Variants in CDON observed in about 807,000 individuals in gnomAD.
The protein encoded by CDON is cell adhesion molecule-related/down-regulated by oncogenes.
Under a neutral mutation model 120.9 loss-of-function variants are expected in CDON, and 73 were observed. The ratio of observed to expected loss-of-function variants is 0.60; its 90% confidence interval spans 0.50 to 0.73. The LOEUF (loss-of-function observed/expected upper bound fraction) is 0.73. Among genes scored for constraint, CDON ranks in the 30% least tolerant of loss-of-function variants. CDON has a pLI of 0.00. For synonymous variants in CDON, 566 were observed against 573.5 expected (o/e 0.99, Z 0.19); for missense variants, 1,470 against 1,587.3 (o/e 0.93, Z 1.26).
chr11:125,974,225 C>A (rs1349377200), intron 18 of CDON, among the ~76,000 whole-genome samples: 3 of 151,914 alleles, frequency 2.0e-5, no homozygotes, highest in Non-Finnish European at 4.4e-5. Flanking sequence ...AAAGATATGT[C>A]TCCCCTATTA....
intron 1 of CDON, among the ~76,000 whole-genome samples, chr11:126,041,268 A>G (rs573965377): frequency 9.7e-4 from 147 of 152,272 alleles, no homozygotes; most frequent in African/African-American, 3.3e-3. Flanking sequence ...AAAGACCACA[A>G]ACAACACCAA....
Position 125,994,276 on chromosome 11 carries a change from G to A in CDON, c.2650+8C>T. 1 of 1,468,982 alleles carries A rather than the reference G, an allele frequency of 6.8e-7. No homozygotes were observed. The highest frequency in any genetic ancestry group is 9.5e-7 in the Non-Finnish European group (1 of 1,048,498). 91.0% of individuals were successfully genotyped at this position (1,468,982 alleles called of 1,614,324 possible). ...TTTACAGGGACTCCAGTGTGCCAGG[G>A]GACTTACCTTCTACAACATCCCTCT... is the stretch of plus-strand genomic sequence containing the variant. On this transcript the variant is annotated splice_region_variant and intron_variant, in intron 14 of 19. Coordinates refer to ENST00000531738, the MANE Select transcript of CDON (RefSeq NM_001378964.1).
intron 14 of CDON, among the ~76,000 whole-genome samples, chr11:125,990,133 T>C (rs1394236992): frequency 2.6e-5 from 4 of 151,950 alleles, no homozygotes; most frequent in African/African-American, 9.7e-5. Context: ...CAATCCATGT[T>C]CCCCCACCAA....
Position 126,015,234 on chromosome 11 carries a change from A to G in CDON, c.1198+7T>C. On this transcript the variant is annotated splice_region_variant and intron_variant, in intron 7 of 19. Transcript: ENST00000531738. Reference sequence around the variant, plus strand: ...GTTCTTATGACTGGCACGACCTAAAAGCCTACCATTTTCAATTTCAAGTCT... The same window carrying G: ...GTTCTTATGACTGGCACGACCTAAAGGCCTACCATTTTCAATTTCAAGTCT... 6.2e-7 allele frequency: 1 copy of G among 1,613,750 alleles called. No homozygotes were observed. Among genetic ancestry groups the G allele is most frequent in the Non-Finnish European group, 8.5e-7 (1 of 1,179,648 alleles).
intron 4 of CDON, among the ~76,000 whole-genome samples, chr11:126,018,860 G>A (rs745489821): frequency 1.3e-5 from 2 of 152,142 alleles, no homozygotes; most frequent in East Asian, 1.9e-4. Flanking sequence ...GTGAGCCACC[G>A]GCCAGCCTGC....
At chr11:125,967,214 A>G (rs1028486338) in intron 18 of CDON, among the ~76,000 whole-genome samples, 1 of 152,254 alleles carries the variant, frequency 6.6e-6, no homozygotes, top group Admixed American at 6.5e-5. Context: ...AAAATGTTCT[A>G]AAGTATTTGT....
In CDON at chr11:125,994,954, G is replaced by A; in HGVS notation, c.2461C>T (p.Arg821Cys). 2.5e-6 allele frequency: 4 copies of A among 1,614,064 alleles called. No individual in the cohort carries two copies. The highest frequency in any genetic ancestry group is 2.2e-5 in the East Asian group (1 of 44,872). Residue 821 changes from arginine (R) to cysteine (C), a missense_variant, in exon 13 of 20, where the codon CGC (arginine) becomes TGC (cysteine). Transcript: ENST00000531738. ...RPYQVVGFPN[R>C]FSSRPITGPH... The stretch of plus-strand genomic sequence containing the variant: ...CCAGTTATTGGACGGCTGGAAAAGC[G>A]ATTGGGGAACCCAACCACTTGATAA...
intron 1 of CDON, among the ~76,000 whole-genome samples, chr11:126,029,400 G>A (rs997083665): frequency 3.3e-5 from 5 of 152,142 alleles, no homozygotes; most frequent in African/African-American, 1.2e-4. Flanking sequence ...ATTACACCGT[G>A]TGGTTTTAAC....
rs1945659651 is a variant in CDON at position 125,961,996 on chromosome 11, C to T, written c.3359G>A (p.Cys1120Tyr). 6.2e-7 allele frequency: 1 copy of T among 1,613,740 alleles called. No individual in the cohort carries two copies. Among genetic ancestry groups the T allele is most frequent in the South Asian group, 1.1e-5 (1 of 91,056 alleles). Residue 1120 changes from cysteine (C) to tyrosine (Y), a missense_variant and splice_region_variant, in exon 19 of 20, where the codon TGT becomes TAT. By Grantham distance (194) the Cys-to-Tyr change is radical. Coordinates refer to ENST00000531738, the MANE Select transcript of CDON (RefSeq NM_001378964.1). ...NCRNCRNNNR[C>Y]FTKTNSTFSS... is the part of the protein sequence containing the mutation. ...GAAAGTGCTGTTGGTTTTGGTGAAA[C>T]ACCTGCAGAGGTTAAACCAAAAGAA...
chr11:126,003,191 GCCA>G (rs1447524994), intron 10 of CDON, among the ~76,000 whole-genome samples: 1 of 152,088 alleles, frequency 6.6e-6, no homozygotes, highest in East Asian at 1.9e-4. Context: ...GCTCTACAAG[GCCA>G]CAAGTTTTGT....
chr11:125,978,363 G>T lies in CDON; in HGVS notation c.3297C>A (p.Ala1099=). The T allele has an allele frequency of 5.6e-6, 9 of 1,608,712 alleles. No homozygotes were observed. Among genetic ancestry groups the T allele is most frequent in the Non-Finnish European group, 7.6e-6 (9 of 1,176,604 alleles). The stretch of plus-strand genomic sequence containing the variant: ...ACTCCAGAGGGTCAATCTGAGGCAC[G>T]GCCGTGTACATTCCACCACCCTGGA... The part of the protein sequence containing the change: ...HLVNGGGMYT[A]VPQIDPLECV... The change falls in exon 18 of 20, where the codon GCC becomes GCA. Residue 1099 remains alanine (A), a synonymous_variant. Coordinates refer to ENST00000531738, the MANE Select transcript of CDON (RefSeq NM_001378964.1).
At chr11:125,978,468 T>G (rs1946205232) in intron 17 of CDON, 85 bp from the exon 18 acceptor site, 1 of 829,784 alleles carries the variant, frequency 1.2e-6, no homozygotes, top group Non-Finnish European at 2.0e-6. Context: ...TAATCACAAA[T>G]ACACATGAGC....
chr11:126,035,928 T>G (rs1004413524), intron 1 of CDON, among the ~76,000 whole-genome samples: 9 of 152,324 alleles, frequency 5.9e-5, no homozygotes, highest in African/African-American at 2.2e-4. Context: ...AAAGCAAAGT[T>G]TGTTGGAACA....
intron 16 of CDON, among the ~76,000 whole-genome samples, chr11:125,981,970 C>CTTTTTTTATTTTTTTTTTTTT (rs1946320940): frequency 1.8e-5 from 1 of 54,290 alleles, no homozygotes; most frequent in African/African-American, 8.0e-5. Flanking sequence ...ATTCTATTTT[C>CTTTTTTTATTTTTTTTTTTTT]TTTTTTTTTT....
intron 16 of CDON, among the ~76,000 whole-genome samples, chr11:125,981,963 C>CTTTTTTTTTTTTTTTTTTTTTTTTTT (rs1565501813): frequency 2.9e-5 from 1 of 34,136 alleles, no homozygotes; most frequent in East Asian, 1.1e-3. Context: ...AAAAGTGATT[C>CTTTTTTTTTTTTTTTTTTTTTTTTTT]TATTTTCTTT....
chr11:125,968,102 GA>G (rs962825528), intron 18 of CDON, among the ~76,000 whole-genome samples: 40 of 151,520 alleles, frequency 2.6e-4, no homozygotes, highest in East Asian at 1.9e-3. Flanking sequence ...TAAGATACAG[GA>G]AAAAAAATGC....
chr11:125,979,581 A>G (rs1946239022), intron 17 of CDON, among the ~76,000 whole-genome samples: 1 of 152,210 alleles, frequency 6.6e-6, no homozygotes, highest in Non-Finnish European at 1.5e-5. Flanking sequence ...AGAATCACAG[A>G]TAACTTCTGA....
At chr11:125,966,051 C>T (rs570454236) in intron 18 of CDON, among the ~76,000 whole-genome samples, 13 of 151,864 alleles carry the variant, frequency 8.6e-5, no homozygotes, top group African/African-American at 2.2e-4. Context: ...GCAGGAGAAC[C>T]GCTTGAACCC....
Position 125,960,706 on chromosome 11 carries a change from A to G in CDON, c.*236T>C, listed in dbSNP as rs1355098026. The G allele has an allele frequency of 1.5e-5, 8 of 531,276 alleles. No individual in the cohort carries two copies. The highest frequency in any genetic ancestry group is 2.7e-5 in the Non-Finnish European group (8 of 294,662). The allele number at this position is 531,276 out of a possible 1,614,324, so 32.9% of individuals were successfully genotyped here. ...CCCTCCAGGTGACTGAATACTATGC[A>G]AAACAAGGTTGTTTCCTACCGAGGG... On this transcript the variant is annotated 3_prime_UTR_variant, in exon 20 of 20. Transcript: ENST00000531738.
Sources: gnomAD v4.1 joint callset for allele counts (sites outside exome capture counted in the v4.1 genomes callset) on GRCh38, gnomAD v4.1.1 for gene constraint, MANE v1.5 for transcripts, NCBI Gene and HGNC (gene_info 2026-07-23, HGNC 2026-07-21) for gene names.